The following DNAJC17 variants were observed in gnomAD, a reference collection of about 807,000 sequenced individuals.
DNAJC17 encodes dnaJ homolog subfamily C member 17.
A neutral mutation model predicts 48.1 loss-of-function variants in DNAJC17; 35 were observed. The observed-to-expected ratio is 0.73, with a 90% CI of 0.56 to 0.96. The LOEUF (loss-of-function observed/expected upper bound fraction) is 0.96. DNAJC17 is among the 50% of genes least tolerant of loss of function. The pLI is 0.00. For missense variants in DNAJC17, 355 were observed against 377.1 expected (o/e 0.94, Z 0.48); for synonymous variants, 117 against 142.7 (o/e 0.82, Z 1.28).
intron 1 of DNAJC17, among the ~76,000 whole-genome samples, chr15:40,790,408 T>C (rs1413448013): frequency 6.6e-6 from 1 of 152,058 alleles, no homozygotes; most frequent in Non-Finnish European, 1.5e-5. Context: ...ACCCCGTCTC[T>C]ACTAAAAATA....
chr15:40,782,032 T>C (rs1889511022), intron 1 of DNAJC17, among the ~76,000 whole-genome samples: 1 of 152,082 alleles, frequency 6.6e-6, no homozygotes, highest in Non-Finnish European at 1.5e-5. Flanking sequence ...CAGCCAAGCC[T>C]GGGCAACATG....
chr15:40,791,526 A>C (rs1451445489), intron 1 of DNAJC17, among the ~76,000 whole-genome samples: 1 of 151,126 alleles, frequency 6.6e-6, no homozygotes, highest in Non-Finnish European at 1.5e-5. Context: ...ACTCCATCTC[A>C]AAAAACTAAA....
intron 1 of DNAJC17, among the ~76,000 whole-genome samples, chr15:40,784,630 G>A (rs1271252742): frequency 6.6e-6 from 1 of 152,026 alleles, no homozygotes; most frequent in African/African-American, 2.4e-5. Flanking sequence ...TTCTACTCCA[G>A]CCAATTACCA....
At chr15:40,785,179 T>A (rs1889609371) in intron 1 of DNAJC17, among the ~76,000 whole-genome samples, 1 of 152,176 alleles carries the variant, frequency 6.6e-6, no homozygotes, top group Non-Finnish European at 1.5e-5. Flanking sequence ...AGTCTCAGTA[T>A]CGTTTATTAT....
chr15:40,787,573 T>C (rs992174856), intron 1 of DNAJC17, among the ~76,000 whole-genome samples: 2 of 152,166 alleles, frequency 1.3e-5, no homozygotes, highest in Non-Finnish European at 2.9e-5. Context: ...GGGAACTAAA[T>C]GTTACCCCCT....
intron 1 of DNAJC17, among the ~76,000 whole-genome samples, chr15:40,796,816 A>G (rs1295933082): frequency 6.6e-6 from 1 of 152,200 alleles, no homozygotes; most frequent in African/African-American, 2.4e-5. Flanking sequence ...GCTGGAGTGG[A>G]GTGGTTCAAT....
In DNAJC17 at chr15:40,780,332, A is replaced by G. The variant is rs542538441; in HGVS notation, c.79-335T>C. On this transcript the variant is annotated intron_variant, in intron 1 of 10. Transcript: ENST00000220496. ...GGTACTCTACACATTCTTGGTGGGC[A>G]TATAAACTGGGGCAACCTATCTGGA... The G allele has an allele frequency of 5.3e-5, 27 of 507,412 alleles. No individual in the cohort carries two copies. The East Asian group carries it at 1.4e-3, about 26-fold the overall frequency. The allele number at this position is 507,412 out of a possible 1,614,324, so 31.4% of individuals were successfully genotyped here. A position where few individuals can be genotyped will look rare whatever the true frequency, so the allele number is the denominator to read the frequency against.
chr15:40,765,887 G>A lies in DNAJC17; in HGVS notation c.*2053C>T. On this transcript the variant is annotated 3_prime_UTR_variant, in exon 11 of 11. Coordinates refer to ENST00000220496, the MANE Select transcript of DNAJC17 (RefSeq NM_018163.3). The stretch of plus-strand genomic sequence containing the variant: ...GGATCCAGAGCTGATGCAGCATCTG[G>A]GGGCTTCAAAGAGAAGAGCCTTGGG... 1 of 1,582,304 alleles carries A rather than the reference G, an allele frequency of 6.3e-7. No individual in the cohort carries two copies. The highest frequency in any genetic ancestry group is 8.6e-7 in the Non-Finnish European group (1 of 1,159,200).
intron 1 of DNAJC17, among the ~76,000 whole-genome samples, chr15:40,786,572 G>A (rs974181875): frequency 2.6e-5 from 4 of 152,216 alleles, no homozygotes; most frequent in Admixed American, 6.5e-5. Flanking sequence ...CCACAGCAAG[G>A]TGTGGCTTTT....
chr15:40,804,091 C>G (rs1194075651), intron 1 of DNAJC17, among the ~76,000 whole-genome samples: 1 of 152,036 alleles, frequency 6.6e-6, no homozygotes, highest in Non-Finnish European at 1.5e-5. Context: ...CTCAGCCTCC[C>G]ATGTAGCGGG....
rs1890263431 is a variant in DNAJC17 at position 40,807,236 on chromosome 15, C to G, written c.78+133G>C. The G allele has an allele frequency of 4.5e-6, 7 of 1,561,348 alleles. No individual in the cohort carries two copies. The South Asian group carries it at 8.1e-5, about 18-fold the overall frequency. On this transcript the variant is annotated intron_variant, in intron 1 of 10. Transcript: ENST00000220496. ...TGTCTGGGAGCCCGCCTGCGGAGGG[C>G]ATAGCGCCGACCCTCGCTCCCCGCC...
intron 4 of DNAJC17, 192 bp downstream of exon 4, chr15:40,779,031 A>T (rs1052968114): frequency 1.5e-6 from 1 of 660,900 alleles, no homozygotes; most frequent in Admixed American, 2.2e-5. Flanking sequence ...ATGCTTAGCT[A>T]ATATTAAACC....
chr15:40,782,775 G>A (rs1465127715), intron 1 of DNAJC17, among the ~76,000 whole-genome samples: 2 of 152,114 alleles, frequency 1.3e-5, no homozygotes, highest in Admixed American at 1.3e-4. Context: ...CCATGAGGCA[G>A]CCACCGGGCC....
At chr15:40,772,959 C>CTTTTT (rs754542485) in intron 10 of DNAJC17, among the ~76,000 whole-genome samples, 2 of 133,622 alleles carry the variant, frequency 1.5e-5, no homozygotes, top group Non-Finnish European at 1.6e-5. Flanking sequence ...AGAGTTCCTT[C>CTTTTT]TTTTTTTTTT....
At chr15:40,793,284 T>G (rs1889858593) in intron 1 of DNAJC17, among the ~76,000 whole-genome samples, 1 of 152,206 alleles carries the variant, frequency 6.6e-6, no homozygotes, top group Non-Finnish European at 1.5e-5. Flanking sequence ...GTCTTCCTCT[T>G]TATTCTTACA....
In DNAJC17 at chr15:40,765,895, AAAGAG is replaced by A. The variant is rs1888935900; in HGVS notation, c.*2040_*2044del. 2 of 1,578,692 alleles carry A rather than the reference AAAGAG, an allele frequency of 1.3e-6. No individual in the cohort carries two copies. The highest frequency in any genetic ancestry group is 2.3e-5 in the East Asian group (1 of 43,150). ...AGCTGATGCAGCATCTGGGGGCTTC[AAAGAG>A]AAGAGCCTTGGGAAACAACTTGTAA... On this transcript the variant is annotated 3_prime_UTR_variant, in exon 11 of 11. Coordinates refer to ENST00000220496, the MANE Select transcript of DNAJC17 (RefSeq NM_018163.3).
chr15:40,807,448 G>C lies in DNAJC17; in HGVS notation c.-2C>G. 6.2e-7 allele frequency: 1 copy of C among 1,614,242 alleles called. No homozygotes were observed. Among genetic ancestry groups the C allele is most frequent in the African/African-American group, 1.3e-5 (1 of 75,068 alleles). On this transcript the variant is annotated 5_prime_UTR_variant, in exon 1 of 11. Transcript: ENST00000220496. ...TAAGAGCTCCTTGGTCACTGCCATG[G>C]TTCCGGCCTGACGGATTCGTACTAC...
At chr15:40,789,903 CAAAAAA>C (rs71428311) in intron 1 of DNAJC17, among the ~76,000 whole-genome samples, 384 of 19,952 alleles carry the variant, frequency 0.019, 1 homozygote, top group African/African-American at 0.065. Flanking sequence ...CAGACTGTCT[CAAAAAA>C]AAAAAAAAAA....
intron 1 of DNAJC17, among the ~76,000 whole-genome samples, chr15:40,795,298 G>T (rs1889918532): frequency 8.1e-6 from 1 of 122,998 alleles, no homozygotes; most frequent in South Asian, 3.2e-4. Flanking sequence ...GAAGGGAGGG[G>T]GGAGGGAAGG....
Sources: gnomAD v4.1 joint callset for allele counts (sites outside exome capture counted in the v4.1 genomes callset) on GRCh38, gnomAD v4.1.1 for gene constraint, MANE v1.5 for transcripts, NCBI Gene and HGNC (gene_info 2026-07-23, HGNC 2026-07-21) for gene names.